The following IL17RB variants were observed in gnomAD, a reference collection of about 807,000 sequenced individuals.
IL17RB encodes interleukin-17 receptor B.
A neutral mutation model predicts 43.9 loss-of-function variants in IL17RB; 36 were observed. The observed-to-expected ratio is 0.82, with a 90% CI of 0.63 to 1.08. The LOEUF is 1.08. IL17RB is among the 50% of genes least tolerant of loss of function. IL17RB has a pLI of 0.00. For synonymous variants in IL17RB, 225 were observed against 225.4 expected, an observed-to-expected ratio of 1.00 and a Z score of 0.02; for missense variants, 613 against 613.6, an observed-to-expected ratio of 1.00 and a Z score of 0.01.
rs1427987356 is a variant in IL17RB, at chr3:53,858,816, ACAGTAAGTGCC to A, written c.847+5_847+15del. 6.2e-7 allele frequency: 1 copy of A among 1,612,366 alleles called. No individual in the cohort carries two copies. The highest frequency in any genetic ancestry group is 8.5e-7 in the Non-Finnish European group (1 of 1,178,442). On this transcript the variant is annotated splice_donor_variant and splice_donor_5th_base_variant and coding_sequence_variant and intron_variant, in exon 9 of 11. Transcript: ENST00000288167. LOFTEE classifies it high-confidence loss of function. ...ACAGGCGTCCCTTTCCCTCTGGATA[ACAGTAAGTGCC>A]CAGTAACTTCAACCAGATGATCAAA... is the stretch of plus-strand genomic sequence containing the variant.
At chr3:53,849,935 G>T in intron 3 of IL17RB, 140 bp downstream of exon 3, 1 of 690,332 alleles carries the variant, frequency 1.4e-6, no homozygotes, top group South Asian at 3.1e-5. Flanking sequence ...ACATACTAGG[G>T]TGATCGCAGT....
Position 53,864,920 on chromosome 3 carries a change from CAG to C in IL17RB, c.1125_1126del (p.Glu375AspfsTer24). 1.2e-6 allele frequency: 2 copies of C among 1,614,140 alleles called. No homozygotes were observed. The highest frequency in any genetic ancestry group is 1.7e-6 in the Non-Finnish European group (2 of 1,180,012). ...GAAAAGTGGCAGAAAAAGAAAATAG[CAG>C]AGATGGGTCCAGTGCAGTGGCTTGC... is the stretch of plus-strand genomic sequence containing the variant. On this transcript the variant is annotated frameshift_variant, in exon 11 of 11. Coordinates refer to ENST00000288167, the MANE Select transcript of IL17RB (RefSeq NM_018725.4). LOFTEE classifies it low-confidence loss of function (END_TRUNC).
chr3:53,855,181 G>T, intron 5 of IL17RB, 113 bp from the exon 6 acceptor site: 6 of 430,822 alleles, frequency 1.4e-5, no homozygotes, highest in East Asian at 4.1e-5. Flanking sequence ...CATCTGGAAT[G>T]TTTTGGCAAT....
In IL17RB at chr3:53,852,915, CT is replaced by C. The variant is rs1213697393; in HGVS notation, c.400del (p.Tyr134IlefsTer13). The C allele has an allele frequency of 6.2e-7, 1 of 1,613,684 alleles. No individual in the cohort carries two copies. The highest frequency in any genetic ancestry group is 8.5e-7 in the Non-Finnish European group (1 of 1,179,542). ...GCTTCCCTGTAGAGCTGAACACAGT[CT>C]ATTTCATTGGGGCCCATAATATTCC... ...IGFPVELNTVYFIGAHNIPNA... is the reference protein window; with the variant it reads ...IGFPVELNTVXFIGAHNIPNA... On this transcript the variant is annotated frameshift_variant, in exon 5 of 11. Coordinates refer to ENST00000288167, the MANE Select transcript of IL17RB (RefSeq NM_018725.4). LOFTEE classifies it high-confidence loss of function.
chr3:53,849,203 G>C (rs1191574069), intron 2 of IL17RB, among the ~76,000 whole-genome samples: 1 of 152,218 alleles, frequency 6.6e-6, no homozygotes, highest in Non-Finnish European at 1.5e-5. Flanking sequence ...AGGCAGGCCT[G>C]ACTCTAATAA....
chr3:53,857,475 C>CG (rs1258792362), intron 7 of IL17RB, 141 bp from the exon 8 acceptor site: 6 of 704,576 alleles, frequency 8.5e-6, no homozygotes, highest in African/African-American at 3.5e-5. Flanking sequence ...TTAGTAGAGA[C>CG]GGTTTCGCCA....
rs78408567 is a variant in IL17RB, at chr3:53,859,134, T to C, written c.847+316T>C. ...GCTGAAAAAAGCCAAAGATGTAAGA[T>C]GGCTGGGTATATATGAGAATGAATA... is the stretch of plus-strand genomic sequence containing the variant. On this transcript the variant is annotated intron_variant, in intron 9 of 10. Coordinates refer to ENST00000288167, the MANE Select transcript of IL17RB (RefSeq NM_018725.4). The C allele has an allele frequency of 2.3e-4, 58 of 248,972 alleles. No homozygotes were observed. The East Asian group carries it at 4.9e-3, about 21-fold the overall frequency. The allele number at this position is 248,972 out of a possible 1,614,324, so 15.4% of individuals were successfully genotyped here.
In IL17RB at chr3:53,857,653, T is replaced by A; in HGVS notation, c.710T>A (p.Ile237Asn). Residue 237 changes from isoleucine (I) to asparagine (N), a missense_variant, in exon 8 of 11, where the codon ATT becomes AAT. Transcript: ENST00000288167. Reference sequence around the variant, plus strand: ...AAACAAACGCGAGCTTCAGTGGTGATTCCAGTGACTGGGGATAGTGAAGGT... The same window carrying A: ...AAACAAACGCGAGCTTCAGTGGTGAATCCAGTGACTGGGGATAGTGAAGGT... The part of the protein sequence containing the change: ...QKKQTRASVV[I>N]PVTGDSEGAT... 1 of 1,614,184 alleles carries A rather than the reference T, an allele frequency of 6.2e-7. No homozygotes were observed. The highest frequency in any genetic ancestry group is 8.5e-7 in the Non-Finnish European group (1 of 1,180,020).
intron 1 of IL17RB, 135 bp from the exon 2 acceptor site, chr3:53,848,529 C>T: frequency 1.2e-6 from 1 of 868,734 alleles, no homozygotes; most frequent in South Asian, 1.4e-5. Context: ...TGAAGCAGAA[C>T]CAGTTCATCT....
chr3:53,849,808 C>CCATCTG lies in IL17RB; in HGVS notation c.226+17_226+18insTGCATC. 1 of 1,588,514 alleles carries CCATCTG rather than the reference C, an allele frequency of 6.3e-7. No individual in the cohort carries two copies. The highest frequency in any genetic ancestry group is 8.6e-7 in the Non-Finnish European group (1 of 1,163,230). ...CTCCGGGCAGATGGTAAGTTTGCAT[C>CCATCTG]CATCAGAGATAAGGCCCAAAGTGTC... On this transcript the variant is annotated intron_variant, in intron 3 of 10. Transcript: ENST00000288167.
At position 53,846,648 on chromosome 3, in the gene IL17RB, G is replaced by C; in HGVS notation, c.60G>C (p.Pro20=). Residue 20 remains proline (P), a splice_region_variant and synonymous_variant, in exon 1 of 11, where the codon CCG becomes CCC. Coordinates refer to ENST00000288167, the MANE Select transcript of IL17RB (RefSeq NM_018725.4). ...GCAGGAGCGCCGTACCCCGAGAGCC[G>C]GTAAGCCCCCGCCAGCACCTCTTCC... The part of the protein sequence containing the change: ...ALCRSAVPRE[P]TVQCGSETGP... 6.3e-7 allele frequency: 1 copy of C among 1,590,436 alleles called. No homozygotes were observed. The highest frequency in any genetic ancestry group is 8.5e-7 in the Non-Finnish European group (1 of 1,171,518).
chr3:53,862,275 G>C (rs1699589522), intron 10 of IL17RB, among the ~76,000 whole-genome samples: 1 of 152,112 alleles, frequency 6.6e-6, no homozygotes, highest in Non-Finnish European at 1.5e-5. Flanking sequence ...GAGGCCATAA[G>C]GACCTTCAAG....
Position 53,846,890 on chromosome 3 carries a change from C to T in IL17RB, c.60+242C>T, listed in dbSNP as rs1406828700. ...TACTGTTGGTTCTGTCATTTATGCT[C>T]ACCAAGTTCCAAGTCCCGAACGGTA... is the stretch of plus-strand genomic sequence containing the variant. On this transcript the variant is annotated intron_variant, in intron 1 of 10. Transcript: ENST00000288167. Among the ~76,000 whole-genome samples, 3 of 152,220 alleles carry T rather than the reference C, an allele frequency of 2.0e-5. No homozygotes were observed. In the East Asian group the frequency reaches 5.8e-4, roughly 29 times the overall value.
rs978059849 is a variant in IL17RB, at chr3:53,862,336, G to A, written c.946+2108G>A. 6.6e-5 allele frequency among the ~76,000 whole-genome samples: 10 copies of A among 152,246 alleles called. No individual in the cohort carries two copies. In the South Asian group the frequency reaches 1.9e-3, roughly 28 times the overall value. On this transcript the variant is annotated intron_variant, in intron 10 of 10. Transcript: ENST00000288167. Reference sequence around the variant, plus strand: ...AAAGGATTGTCAACACTATGGACGAGAACACCAACAGAGAGAACAACATGG... The same window carrying A: ...AAAGGATTGTCAACACTATGGACGAAAACACCAACAGAGAGAACAACATGG...
intron 4 of IL17RB, 85 bp from the exon 5 acceptor site, chr3:53,852,786 C>G: frequency 4.5e-6 from 6 of 1,345,098 alleles, no homozygotes; most frequent in Non-Finnish European, 6.2e-6. Context: ...TAATGAAATA[C>G]AAACTAAAAG....
intron 10 of IL17RB, among the ~76,000 whole-genome samples, 199 bp from the exon 11 acceptor site, chr3:53,864,547 A>G (rs1699707861): frequency 6.6e-6 from 1 of 152,074 alleles, no homozygotes; most frequent in South Asian, 2.1e-4. Context: ...AAAAAAAAAA[A>G]GTTAAGGTTT....
chr3:53,855,966 G>T (rs1699320342), intron 6 of IL17RB, among the ~76,000 whole-genome samples: 1 of 152,212 alleles, frequency 6.6e-6, no homozygotes, highest in Non-Finnish European at 1.5e-5. Flanking sequence ...GTGTTGGAAT[G>T]CTAATGAGGC....
intron 6 of IL17RB, 43 bp downstream of exon 6, chr3:53,855,384 G>T: frequency 7.4e-7 from 1 of 1,354,426 alleles, no homozygotes; most frequent in Non-Finnish European, 1.1e-6. Flanking sequence ...GAAGAAACTT[G>T]TAACTTGAGG....
At chr3:53,857,802 AC>A in intron 8 of IL17RB, 112 bp downstream of exon 8, 1 of 982,710 alleles carries the variant, frequency 1.0e-6, no homozygotes. Context: ...GCCAGCAGAC[AC>A]CAGTTAAGTG....
Sources: gnomAD v4.1 joint callset for allele counts (sites outside exome capture counted in the v4.1 genomes callset) on GRCh38, gnomAD v4.1.1 for gene constraint, MANE v1.5 for transcripts, NCBI Gene and HGNC (gene_info 2026-07-23, HGNC 2026-07-21) for gene names.